MPDZ: variants seen among roughly 807,000 people sequenced by gnomAD.
MPDZ encodes multiple PDZ domain crumbs cell polarity complex component, also known as multiple PDZ domain protein.
In MPDZ, 234 loss-of-function variants were observed where a neutral mutation model predicts 239.1. That is an observed-to-expected ratio of 0.98 (90% CI 0.88 to 1.09). The LOEUF is 1.09. Among genes scored for constraint, MPDZ ranks in the 50% least tolerant of loss-of-function variants. The pLI is 0.00. For missense variants in MPDZ, 3,175 were observed against 2,510.0 expected, an observed-to-expected ratio of 1.26 and a Z score of -5.66; for synonymous variants, 1,048 against 881.3, an observed-to-expected ratio of 1.19 and a Z score of -3.35.
intron 21 of MPDZ, 142 bp downstream of exon 21, chr9:13,175,610 G>A (rs912245237): frequency 3.7e-6 from 3 of 816,292 alleles, no homozygotes; most frequent in Non-Finnish European, 5.7e-6. Flanking sequence ...AAATAATGAG[G>A]ACATAGAAAT....
rs142810300 is a variant in MPDZ at position 13,133,367 on chromosome 9, G to A, written c.4464+457C>T. ...AAGACTTCTCTTATATGTATAGTAA[G>A]ATTGCCTTTTTAAGGCAATCATCGG... On this transcript the variant is annotated intron_variant, in intron 32 of 46. Coordinates refer to ENST00000319217, the MANE Select transcript of MPDZ (RefSeq NM_001378778.1). Among the ~76,000 whole-genome samples the A allele has an allele frequency of 6.2e-3, 937 of 152,276 alleles. 8 individuals carry two copies. Among genetic ancestry groups the A allele is most frequent in the African/African-American group, 0.02 (852 of 41,564 alleles).
chr9:13,247,372 G>A (rs1287421446), intron 3 of MPDZ, among the ~76,000 whole-genome samples: 3 of 151,872 alleles, frequency 2.0e-5, no homozygotes, highest in East Asian at 1.9e-4. Context: ...TTTATCATCC[G>A]TTTTTCCTGT....
At chr9:13,216,676 G>C (rs1013902959) in intron 10 of MPDZ, 98 bp downstream of exon 10, 13 of 823,766 alleles carry the variant, frequency 1.6e-5, no homozygotes, top group Admixed American at 2.8e-5. Flanking sequence ...GCTTAAATTA[G>C]TACAGAGTTA....
chr9:13,174,612 A>G (rs1269210976), intron 21 of MPDZ, among the ~76,000 whole-genome samples: 1 of 152,214 alleles, frequency 6.6e-6, no homozygotes, highest in Non-Finnish European at 1.5e-5. Flanking sequence ...TATAACTCCT[A>G]TTAACATCCT....
intron 12 of MPDZ, among the ~76,000 whole-genome samples, chr9:13,203,945 CTAAA>C (rs1956702222): frequency 6.6e-6 from 1 of 152,038 alleles, no homozygotes; most frequent in Admixed American, 6.6e-5. Context: ...TCACTTTAGC[CTAAA>C]TAATTTCTTT....
rs1964272529 is a variant in MPDZ at position 13,237,199 on chromosome 9, T to C, written c.183+10436A>G. 4.0e-5 allele frequency among the ~76,000 whole-genome samples: 6 copies of C among 151,844 alleles called. No individual in the cohort carries two copies. In the South Asian group the frequency reaches 1.3e-3, roughly 32 times the overall value. ...GGTTCACGCCTGTAATCCCAGCACT[T>C]TGGGAGGCTGAGGTGGGCAGATTGC... On this transcript the variant is annotated intron_variant, in intron 3 of 46. Coordinates refer to ENST00000319217, the MANE Select transcript of MPDZ (RefSeq NM_001378778.1).
intron 23 of MPDZ, among the ~76,000 whole-genome samples, chr9:13,159,386 C>G (rs1018592096): frequency 6.6e-6 from 1 of 152,136 alleles, no homozygotes; most frequent in Non-Finnish European, 1.5e-5. Flanking sequence ...GAGTCTAAGT[C>G]TGACACTAGG....
At chr9:13,220,110 G>T (rs1958910043) in intron 7 of MPDZ, among the ~76,000 whole-genome samples, 2 of 151,864 alleles carry the variant, frequency 1.3e-5, no homozygotes, top group African/African-American at 4.8e-5. Context: ...ATGCCCTTAA[G>T]CAAAGTTGTA....
At chr9:13,245,391 G>C (rs1360942308) in intron 3 of MPDZ, among the ~76,000 whole-genome samples, 2 of 150,430 alleles carry the variant, frequency 1.3e-5, no homozygotes, top group African/African-American at 2.4e-5. Context: ...TTGGCATCTA[G>C]GGTTCAACTT....
intron 32 of MPDZ, among the ~76,000 whole-genome samples, chr9:13,130,119 C>G (rs1019759565): frequency 3.3e-5 from 5 of 152,098 alleles, no homozygotes; most frequent in Admixed American, 3.3e-4. Flanking sequence ...TTTCCTAGGG[C>G]AAACTGTGTC....
chr9:13,196,571 C>T (rs779107934), intron 12 of MPDZ, among the ~76,000 whole-genome samples: 5 of 151,994 alleles, frequency 3.3e-5, no homozygotes, highest in Non-Finnish European at 5.9e-5. Context: ...AAAGGGATGT[C>T]GTCTTCAATG....
At chr9:13,139,369 C>A (rs1052226677) in intron 28 of MPDZ, among the ~76,000 whole-genome samples, 1 of 152,144 alleles carries the variant, frequency 6.6e-6, no homozygotes, top group Non-Finnish European at 1.5e-5. Context: ...AAGAGAGACT[C>A]CCTATTGGTC....
chr9:13,205,898 A>T lies in MPDZ; in HGVS notation c.1474+18T>A. On this transcript the variant is annotated intron_variant, in intron 11 of 46. Transcript: ENST00000319217. ...CAATATAAAGGTCTAACTAAAAACC[A>T]GATTAACATAGGATTACCTTTGATT... The T allele has an allele frequency of 6.5e-7, 1 of 1,543,860 alleles. No homozygotes were observed. The highest frequency in any genetic ancestry group is 8.7e-7 in the Non-Finnish European group (1 of 1,147,746).
At chr9:13,118,855 G>T (rs1041340294) in intron 39 of MPDZ, among the ~76,000 whole-genome samples, 2 of 152,144 alleles carry the variant, frequency 1.3e-5, no homozygotes, top group African/African-American at 4.8e-5. Context: ...CCAATTTTAT[G>T]ATGTAAAATG....
chr9:13,173,145 G>T (rs1014620226), intron 21 of MPDZ, among the ~76,000 whole-genome samples: 1 of 152,292 alleles, frequency 6.6e-6, no homozygotes, highest in East Asian at 1.9e-4. Flanking sequence ...TTGTTTAATG[G>T]ATACAGCGTT....
chr9:13,192,068 T>G, intron 15 of MPDZ, 63 bp downstream of exon 15: 1 of 1,335,978 alleles, frequency 7.5e-7, no homozygotes, highest in Admixed American at 3.0e-5. Context: ...GCTTAAAAAA[T>G]TTTAAGCCAT....
intron 1 of MPDZ, among the ~76,000 whole-genome samples, chr9:13,256,580 T>C (rs1969497993): frequency 6.6e-6 from 1 of 152,156 alleles, no homozygotes; most frequent in African/African-American, 2.4e-5. Context: ...TGTCAGGGAA[T>C]AGAGAGGCCT....
At chr9:13,175,961 AATTG>A (rs2134177266) in intron 20 of MPDZ, 86 bp from the exon 21 acceptor site, 2 of 1,477,748 alleles carry the variant, frequency 1.4e-6, no homozygotes, top group East Asian at 2.4e-5. Context: ...CATGTTCTCT[AATTG>A]ATTGTGCTTT....
rs375087628 is a variant in MPDZ at position 13,123,228 on chromosome 9, G to A, written c.4878C>T (p.Cys1626=). The stretch of plus-strand genomic sequence containing the variant: ...CTTTGGAAATCTCGATGGTTGTTTC[G>A]CAGCCAGGGATAATGGGGCAGGTTG... ...DPATCPIIPG[C]ETTIEISKGR... Residue 1626 remains cysteine (C), a synonymous_variant, in exon 36 of 47, where the codon TGC becomes TGT. Transcript: ENST00000319217. 9.0e-5 allele frequency: 146 copies of A among 1,613,488 alleles called. 1 individual carries two copies. The highest frequency in any genetic ancestry group is 2.8e-4 in the Admixed American group (17 of 59,988).
Sources: allele counts gnomAD v4.1 joint callset (sites outside exome capture counted in the v4.1 genomes callset), GRCh38; gene constraint gnomAD v4.1.1; transcripts MANE v1.5; gene names NCBI Gene and HGNC (gene_info 2026-07-23, HGNC 2026-07-21).